Variants in NAALADL2 observed in about 807,000 individuals in gnomAD.
NAALADL2 encodes the protein inactive N-acetylated-alpha-linked acidic dipeptidase-like protein 2.
A neutral mutation model predicts 87.2 loss-of-function variants in NAALADL2; 76 were observed. That is an observed-to-expected ratio of 0.87 (90% CI 0.72 to 1.05). NAALADL2 has a LOEUF of 1.05. Among genes scored for constraint, NAALADL2 ranks in the 50% least tolerant of loss-of-function variants. The pLI is 0.00. For synonymous variants in NAALADL2, 354 were observed against 331.0 expected (o/e 1.07, Z -0.75); for missense variants, 1,089 against 945.8 (o/e 1.15, Z -1.99).
intron 1 of NAALADL2, among the ~76,000 whole-genome samples, chr3:174,935,147 G>T (rs1030763689): frequency 6.8e-6 from 1 of 147,656 alleles, no homozygotes; most frequent in African/African-American, 2.5e-5. Context: ...TGTTCATATA[G>T]ATGTTGGAAA....
Position 175,580,060 on chromosome 3 carries a change from T to C in NAALADL2, c.1800+3873T>C, listed in dbSNP as rs550463882. Among the ~76,000 whole-genome samples the C allele has an allele frequency of 2.0e-5, 3 of 152,286 alleles. No homozygotes were observed. In the South Asian group the frequency reaches 6.2e-4, roughly 32 times the overall value. On this transcript the variant is annotated intron_variant, in intron 10 of 13. Coordinates refer to ENST00000454872, the MANE Select transcript of NAALADL2 (RefSeq NM_207015.3). ...TAAATAATAATGAGATAAAAGAGTA[T>C]TATAGCTTTTATGTAGCAGGAGTCA... is the stretch of plus-strand genomic sequence containing the variant.
chr3:175,106,674 T>A (rs1449637795), intron 2 of NAALADL2, among the ~76,000 whole-genome samples: 7 of 152,040 alleles, frequency 4.6e-5, no homozygotes, highest in Non-Finnish European at 7.4e-5. Flanking sequence ...CATGGAAAAG[T>A]TGAGAACTGT....
chr3:174,558,859 G>C (rs1713204365), intron 2 of NAALADL2, among the ~76,000 whole-genome samples: 1 of 152,118 alleles, frequency 6.6e-6, no homozygotes, highest in Admixed American at 6.5e-5. Flanking sequence ...GAAAATTTGT[G>C]ACTTTTGGAG....
intron 1 of NAALADL2, among the ~76,000 whole-genome samples, chr3:175,021,996 G>A (rs896505617): frequency 6.6e-6 from 1 of 152,000 alleles, no homozygotes; most frequent in African/African-American, 2.4e-5. Flanking sequence ...ATGGTAACGA[G>A]TGAATTTTTA....
At chr3:175,257,935 A>G (rs975601455) in intron 4 of NAALADL2, among the ~76,000 whole-genome samples, 1 of 152,144 alleles carries the variant, frequency 6.6e-6, no homozygotes, top group Non-Finnish European at 1.5e-5. Context: ...TGAGGTAGGG[A>G]CTATTATTAT....
intron 2 of NAALADL2, among the ~76,000 whole-genome samples, chr3:174,683,506 A>G (rs1401035843): frequency 6.6e-6 from 1 of 152,148 alleles, no homozygotes; most frequent in Non-Finnish European, 1.5e-5. Context: ...ACCTAATTTA[A>G]AAACTATGAA....
In NAALADL2 at chr3:174,697,892, C is replaced by A. The variant is rs944062093; in HGVS notation, c.-114-39749C>A. ...GGATCACGAAGTCAGGAGATTGAGA[C>A]CATCCTGGCCAATGTGGTGAAACCC... is the stretch of plus-strand genomic sequence containing the variant. On this transcript the variant is annotated intron_variant, in intron 2 of 3. Transcript: ENST00000434257. Among the ~76,000 whole-genome samples, 3 of 152,096 alleles carry A rather than the reference C, an allele frequency of 2.0e-5. No homozygotes were observed. In the East Asian group the frequency reaches 5.8e-4, roughly 29 times the overall value.
intron 5 of NAALADL2, among the ~76,000 whole-genome samples, chr3:175,427,062 G>T (rs1219717731): frequency 2.6e-5 from 4 of 152,162 alleles, no homozygotes; most frequent in Admixed American, 6.5e-5. Context: ...CAGAGCAAAA[G>T]ACTTCACTTC....
intron 2 of NAALADL2, among the ~76,000 whole-genome samples, chr3:175,192,471 T>C (rs1738354934): frequency 6.6e-6 from 1 of 152,064 alleles, no homozygotes; most frequent in Non-Finnish European, 1.5e-5. Flanking sequence ...TTCTAATAAA[T>C]TACTACAAGT....
intron 10 of NAALADL2, among the ~76,000 whole-genome samples, chr3:175,598,332 TA>T (rs777621022): frequency 6.7e-6 from 1 of 149,852 alleles, no homozygotes; most frequent in East Asian, 1.9e-4. Context: ...CAGTTGGGTC[TA>T]AAAAAATAGC....
chr3:175,594,017 A>C (rs1289090677), intron 10 of NAALADL2, among the ~76,000 whole-genome samples: 1 of 150,998 alleles, frequency 6.6e-6, no homozygotes, highest in Non-Finnish European at 1.5e-5. Flanking sequence ...TCTTTTATAC[A>C]CAGGGGGTAC....
At chr3:174,443,920 G>A (rs1255289008) in intron 1 of NAALADL2, among the ~76,000 whole-genome samples, 2 of 151,568 alleles carry the variant, frequency 1.3e-5, no homozygotes, top group East Asian at 3.9e-4. Flanking sequence ...TTTTCATGGA[G>A]GAAGTAGACA....
At chr3:174,762,759 G>A (rs1025082722) in intron 3 of NAALADL2, among the ~76,000 whole-genome samples, 13 of 152,004 alleles carry the variant, frequency 8.6e-5, no homozygotes, top group South Asian at 4.1e-4. Context: ...GAAAATCAGC[G>A]TGATGGGTAT....
At chr3:174,800,831 A>T (rs10936817) in intron 3 of NAALADL2, among the ~76,000 whole-genome samples, 113,456 of 152,138 alleles carry the variant, frequency 0.75, 42,901 homozygotes, top group African/African-American at 0.88. Flanking sequence ...GACCTGGATG[A>T]GAGACATGGA....
intron 1 of NAALADL2, among the ~76,000 whole-genome samples, chr3:175,019,446 G>T (rs890207768): frequency 3.9e-5 from 6 of 151,996 alleles, no homozygotes; most frequent in African/African-American, 1.4e-4. Flanking sequence ...AAGTAATTTT[G>T]TTTTCATTGC....
intron 1 of NAALADL2, among the ~76,000 whole-genome samples, chr3:174,455,760 A>G (rs74644092): frequency 0.014 from 2,189 of 152,312 alleles, 51 homozygotes; most frequent in African/African-American, 0.05. Flanking sequence ...CCCACAGTCA[A>G]CATCATACTG....
chr3:175,227,119 TG>T (rs1232352363), intron 2 of NAALADL2, among the ~76,000 whole-genome samples: 3 of 152,074 alleles, frequency 2.0e-5, no homozygotes, highest in Non-Finnish European at 4.4e-5. Flanking sequence ...ATTTTTTCCA[TG>T]TGTACTTCTA....
At chr3:175,616,378 C>T (rs891850252) in intron 10 of NAALADL2, among the ~76,000 whole-genome samples, 2 of 151,334 alleles carry the variant, frequency 1.3e-5, no homozygotes, top group African/African-American at 2.4e-5. Context: ...GTAGTACTCA[C>T]GTTTAAAAAA....
chr3:175,003,426 G>A (rs1023630168), intron 1 of NAALADL2, among the ~76,000 whole-genome samples: 7 of 152,120 alleles, frequency 4.6e-5, no homozygotes, highest in Non-Finnish European at 1.0e-4. Flanking sequence ...GCAATAAACA[G>A]AGGCATAGGT....
Sources: gnomAD v4.1 joint callset for allele counts (sites outside exome capture counted in the v4.1 genomes callset) on GRCh38, gnomAD v4.1.1 for gene constraint, MANE v1.5 for transcripts, NCBI Gene and HGNC (gene_info 2026-07-23, HGNC 2026-07-21) for gene names.